Variants in ATP8A2 observed in about 807,000 individuals in gnomAD.
The protein encoded by ATP8A2 is phospholipid-transporting ATPase IB.
Under a neutral mutation model 165.6 loss-of-function variants are expected in ATP8A2, and 100 were observed. The observed-to-expected ratio is 0.60, with a 90% CI of 0.51 to 0.71. The LOEUF (loss-of-function observed/expected upper bound fraction) is 0.71. Ranked by LOEUF, ATP8A2 falls within the 30% of genes least tolerant of loss-of-function variation. The probability of loss-of-function intolerance (pLI) is 0.00; values close to 1 mark genes in which losing one functional copy is unlikely to be tolerated. For missense variants in ATP8A2, 1,227 were observed against 1,479.5 expected (o/e 0.83, Z 2.80); for synonymous variants, 543 against 548.8 (o/e 0.99, Z 0.15).
At chr13:25,828,794 A>G (rs1951382691) in intron 28 of ATP8A2, among the ~76,000 whole-genome samples, 3 of 152,300 alleles carry the variant, frequency 2.0e-5, no homozygotes, top group Admixed American at 2.0e-4. Flanking sequence ...GCTAGAAATA[A>G]ATATAAACTG....
intron 1 of ATP8A2, 80 bp from the exon 2 acceptor site, chr13:25,468,897 C>T: frequency 6.4e-7 from 1 of 1,572,612 alleles, no homozygotes; most frequent in East Asian, 2.4e-5. Context: ...GGCCGCCCGC[C>T]CGCGGCCCGC....
chr13:25,572,742 C>G (rs2039503981), intron 18 of ATP8A2, among the ~76,000 whole-genome samples: 1 of 152,182 alleles, frequency 6.6e-6, no homozygotes, highest in South Asian at 2.1e-4. Flanking sequence ...CCTTTCCCTA[C>G]TCCTCCATTT....
At chr13:25,378,107 C>A (rs1016256182) in intron 1 of ATP8A2, among the ~76,000 whole-genome samples, 1 of 151,934 alleles carries the variant, frequency 6.6e-6, no homozygotes, top group African/African-American at 2.4e-5. Flanking sequence ...AGAGCGAGAC[C>A]CTTCCTCTAA....
At chr13:25,916,868 T>C (rs535664182) in intron 33 of ATP8A2, among the ~76,000 whole-genome samples, 1 of 152,346 alleles carries the variant, frequency 6.6e-6, no homozygotes, top group Non-Finnish European at 1.5e-5. Flanking sequence ...TCTCTATTTA[T>C]GTTTTTCTAT....
intron 26 of ATP8A2, among the ~76,000 whole-genome samples, chr13:25,773,942 A>G (rs980479890): frequency 6.6e-6 from 1 of 152,134 alleles, no homozygotes; most frequent in African/African-American, 2.4e-5. Flanking sequence ...TGTTAGTGGA[A>G]GTAGTGTATG....
chr13:25,892,430 G>A (rs546781207), intron 33 of ATP8A2, among the ~76,000 whole-genome samples: 1 of 145,540 alleles, frequency 6.9e-6, no homozygotes, highest in South Asian at 2.1e-4. Context: ...AAGTTAAAAG[G>A]CAATGGAAAC....
intron 1 of ATP8A2, among the ~76,000 whole-genome samples, chr13:25,430,170 G>A (rs755116159): frequency 6.6e-6 from 1 of 152,124 alleles, no homozygotes. Flanking sequence ...TATAAATGTG[G>A]GCTCGGGTCC....
At chr13:25,422,859 G>C (rs182051404) in intron 1 of ATP8A2, among the ~76,000 whole-genome samples, 1 of 152,206 alleles carries the variant, frequency 6.6e-6, no homozygotes, top group Non-Finnish European at 1.5e-5. Flanking sequence ...GCTGTTGCTG[G>C]GGCAAATGTC....
At chr13:25,731,043 C>T (rs886265732) in intron 25 of ATP8A2, among the ~76,000 whole-genome samples, 2 of 149,686 alleles carry the variant, frequency 1.3e-5, no homozygotes, top group African/African-American at 4.9e-5. Flanking sequence ...CACTACACTC[C>T]AGCCAGGTCG....
At chr13:25,425,798 G>C (rs1045851263) in intron 1 of ATP8A2, among the ~76,000 whole-genome samples, 1 of 152,062 alleles carries the variant, frequency 6.6e-6, no homozygotes, top group Admixed American at 6.6e-5. Flanking sequence ...GGATGGTCTC[G>C]ATCTCCTGAC....
chr13:25,927,199 A>G, intron 33 of ATP8A2: 1 of 456,680 alleles, frequency 2.2e-6, no homozygotes, highest in South Asian at 1.5e-5. Context: ...TGTGCCCCGG[A>G]GCCCCACTCC....
intron 25 of ATP8A2, among the ~76,000 whole-genome samples, chr13:25,757,185 T>C (rs1206822887): frequency 6.6e-6 from 1 of 152,190 alleles, no homozygotes; most frequent in Non-Finnish European, 1.5e-5. Context: ...TCCTCACATG[T>C]TGGTTTTTAT....
chr13:25,567,084 G>A (rs183397601), intron 16 of ATP8A2: 48 of 274,540 alleles, frequency 1.7e-4, no homozygotes, highest in Non-Finnish European at 3.0e-4. Context: ...AGCTTCTCTG[G>A]GGACCCCCTA....
intron 33 of ATP8A2, among the ~76,000 whole-genome samples, chr13:25,940,609 G>A (rs527279658): frequency 6.6e-6 from 1 of 152,164 alleles, no homozygotes; most frequent in Non-Finnish European, 1.5e-5. Context: ...CTTCATGGAG[G>A]GCTGGCTGTT....
rs1593263916 is a variant in ATP8A2, at chr13:25,405,861, C to T, written c.76+33573C>T. On this transcript the variant is annotated intron_variant, in intron 1 of 36. Coordinates refer to ENST00000381655, the MANE Select transcript of ATP8A2 (RefSeq NM_016529.6). ...GGGGAAATGGAAAAAGCGATTTATC[C>T]ATAGGCACACAGCCTTCTCTGCTTC... Among the ~76,000 whole-genome samples the T allele has an allele frequency of 2.6e-5, 4 of 152,328 alleles. No homozygotes were observed. The South Asian group carries it at 8.3e-4, about 32-fold the overall frequency.
chr13:25,503,392 G>A (rs2036919032), intron 2 of ATP8A2, among the ~76,000 whole-genome samples: 2 of 152,200 alleles, frequency 1.3e-5, no homozygotes, highest in African/African-American at 4.8e-5. Flanking sequence ...ATGCTGACAA[G>A]TAATGACACC....
At chr13:25,505,043 G>C (rs2137725582) in intron 2 of ATP8A2, among the ~76,000 whole-genome samples, 1 of 152,218 alleles carries the variant, frequency 6.6e-6, no homozygotes, top group South Asian at 2.1e-4. Context: ...TCTTATGTGA[G>C]ATATCTTGAT....
chr13:25,523,928 A>T (rs993513726), intron 2 of ATP8A2, among the ~76,000 whole-genome samples: 2 of 151,050 alleles, frequency 1.3e-5, no homozygotes, highest in Non-Finnish European at 3.0e-5. Flanking sequence ...TGTTTTTCTA[A>T]TCTCTTAAGG....
At chr13:25,901,795 A>C (rs1379332575) in intron 33 of ATP8A2, among the ~76,000 whole-genome samples, 2 of 152,360 alleles carry the variant, frequency 1.3e-5, no homozygotes, top group African/African-American at 2.4e-5. Context: ...TGGCTGGGAA[A>C]CTATCTCTAA....
Sources: allele counts gnomAD v4.1 joint callset (sites outside exome capture counted in the v4.1 genomes callset), GRCh38; gene constraint gnomAD v4.1.1; transcripts MANE v1.5; gene names NCBI Gene and HGNC (gene_info 2026-07-23, HGNC 2026-07-21).